Variants in PPP1R42 observed in about 807,000 individuals in gnomAD.
PPP1R42 encodes leucine rich repeat containing 67.
A neutral mutation model predicts 31.0 loss-of-function variants in PPP1R42; 34 were observed. The ratio of observed to expected loss-of-function variants is 1.10; its 90% confidence interval spans 0.83 to 1.46. PPP1R42 has a LOEUF of 1.46. Among genes scored for constraint, PPP1R42 ranks in the 40% most tolerant of loss-of-function variants. The probability of loss-of-function intolerance (pLI) is 0.00; values close to 1 mark genes in which losing one functional copy is unlikely to be tolerated. For synonymous variants in PPP1R42, 103 were observed against 109.8 expected (o/e 0.94, Z 0.39); for missense variants, 268 against 303.0 (o/e 0.88, Z 0.86).
At chr8:66,967,152 T>G (rs547068006) in intron 7 of PPP1R42, among the ~76,000 whole-genome samples, 4 of 152,212 alleles carry the variant, frequency 2.6e-5, no homozygotes, top group African/African-American at 9.6e-5. Context: ...TTTTTTTTCT[T>G]ATGGAGATGA....
chr8:66,976,611 G>GT (rs561585989), intron 7 of PPP1R42, among the ~76,000 whole-genome samples: 3,762 of 133,364 alleles, frequency 0.028, 138 homozygotes, highest in African/African-American at 0.087. Flanking sequence ...CAACTTTTTG[G>GT]TTTTTTTTTT....
rs1815278114 is a variant in PPP1R42, at chr8:66,994,381, C to G, written c.553-5864G>C. On this transcript the variant is annotated intron_variant, in intron 5 of 7. Coordinates refer to ENST00000685739, the MANE Select transcript of PPP1R42 (RefSeq NM_001364910.1). ...GGAAACCCAGTTCTCTCTTTTCTTT[C>G]CACAGAGCTCAAGAATTTCAGTCCC... Among the ~76,000 whole-genome samples, 3 of 152,156 alleles carry G rather than the reference C, an allele frequency of 2.0e-5. No homozygotes were observed. In the South Asian group the frequency reaches 6.2e-4, roughly 32 times the overall value.
At chr8:67,001,287 G>A (rs1815478973) in intron 5 of PPP1R42, among the ~76,000 whole-genome samples, 1 of 148,036 alleles carries the variant, frequency 6.8e-6, no homozygotes. Flanking sequence ...CTGGGCTCAA[G>A]TGATCCTCCC....
chr8:67,003,001 CAA>C (rs1219485285), intron 5 of PPP1R42, among the ~76,000 whole-genome samples: 5 of 127,678 alleles, frequency 3.9e-5, no homozygotes, highest in Admixed American at 8.0e-5. Context: ...ACTAAAAATA[CAA>C]AAAAAAAAAA....
rs139096354 is a variant in PPP1R42, at chr8:66,974,339, G to A, written c.802+7710C>T. On this transcript the variant is annotated intron_variant, in intron 7 of 7. Transcript: ENST00000685739. Reference sequence around the variant, plus strand: ...GGGGGCTGAGGCAGGTGGATCACTTGAGTTCAGGAGTTGGAGACCAGTCTG... The same window carrying A: ...GGGGGCTGAGGCAGGTGGATCACTTAAGTTCAGGAGTTGGAGACCAGTCTG... Among the ~76,000 whole-genome samples, 1,426 of 152,278 alleles carry A rather than the reference G, an allele frequency of 9.4e-3. 10 individuals are homozygous for A. Among genetic ancestry groups the A allele is most frequent in the Non-Finnish European group, 0.013 (887 of 68,022 alleles).
chr8:67,019,732 C>T (rs1229189672), intron 1 of PPP1R42, among the ~76,000 whole-genome samples: 1 of 150,930 alleles, frequency 6.6e-6, no homozygotes, highest in Non-Finnish European at 1.5e-5. Flanking sequence ...CTAAAAAATA[C>T]AAAAAATTAG....
At chr8:67,010,599 T>C (rs1815812233) in intron 5 of PPP1R42, 116 bp downstream of exon 5, 2 of 721,184 alleles carry the variant, frequency 2.8e-6, no homozygotes, top group East Asian at 5.5e-5. Context: ...TAGCTAATTT[T>C]AGAACAAATC....
intron 6 of PPP1R42, chr8:66,985,232 T>C: frequency 9.0e-7 from 1 of 1,107,124 alleles, no homozygotes. Context: ...AATTTGCCCT[T>C]GTCATGGAAT....
chr8:66,990,908 G>A (rs1815170762), intron 5 of PPP1R42, among the ~76,000 whole-genome samples: 1 of 152,126 alleles, frequency 6.6e-6, no homozygotes, highest in African/African-American at 2.4e-5. Context: ...TTGAGCAGAG[G>A]TTGAATAAAT....
At position 66,984,155 on chromosome 8, in the gene PPP1R42, A is replaced by G. The variant is rs1488104713; in HGVS notation, c.671-1975T>C. ...GTCTCAATCAGTGGACTCTACACAG[A>G]TTCACTCAGCGCAAGGTCCCAGTAA... On this transcript the variant is annotated intron_variant, in intron 6 of 7. Transcript: ENST00000685739. The G allele has an allele frequency of 1.9e-6, 3 of 1,593,170 alleles. No individual in the cohort carries two copies. The Admixed American group carries it at 5.0e-5, about 27-fold the overall frequency.
rs143076758 is a variant in PPP1R42 at position 67,010,680 on chromosome 8, T to C, written c.552+35A>G. 428 of 1,377,156 alleles carry C rather than the reference T, an allele frequency of 3.1e-4. 1 individual carries two copies. The African/African-American group carries it at 5.5e-3, about 18-fold the overall frequency. The allele number at this position is 1,377,156 out of a possible 1,614,324, so 85.3% of individuals were successfully genotyped here. ...AACATTTTTCAATCATAATTTCATG[T>C]AAATATCTTAAAAATTAATTTCTCT... On this transcript the variant is annotated intron_variant, in intron 5 of 7. Transcript: ENST00000685739.
intron 1 of PPP1R42, among the ~76,000 whole-genome samples, chr8:67,018,598 C>T (rs1229651701): frequency 2.6e-5 from 4 of 151,874 alleles, no homozygotes; most frequent in African/African-American, 4.8e-5. Flanking sequence ...CTGCAACCTC[C>T]GTCTCCTGGG....
chr8:66,966,321 A>G (rs1265194099), intron 7 of PPP1R42, among the ~76,000 whole-genome samples: 1 of 152,102 alleles, frequency 6.6e-6, no homozygotes, highest in Non-Finnish European at 1.5e-5. Flanking sequence ...TCCCCAGCAG[A>G]GTACTTGAGA....
At chr8:66,984,331 T>G in intron 6 of PPP1R42, 1 of 1,265,778 alleles carries the variant, frequency 7.9e-7, no homozygotes, top group Non-Finnish European at 1.2e-6. Flanking sequence ...CTCATCAGGT[T>G]CCTCATGATC....
intron 6 of PPP1R42, chr8:66,984,952 T>C (rs1814959325): frequency 6.5e-6 from 10 of 1,548,098 alleles, no homozygotes; most frequent in East Asian, 2.3e-5. Flanking sequence ...AACTGGAGCA[T>C]TGAGCTGGGC....
In PPP1R42 at chr8:67,017,820, ATTTCCAACTT is replaced by A. The variant is rs958268294; in HGVS notation, c.-83_-74del. ...ATGTCAAGAAGTAGGTTTAGGTATTATTTCCAACTTTCTGAAGATTAAAGAAAAAAGGAGC... is the reference window on the plus strand; with the variant it reads ...ATGTCAAGAAGTAGGTTTAGGTATTATCTGAAGATTAAAGAAAAAAGGAGC... On this transcript the variant is annotated splice_region_variant and 5_prime_UTR_variant, in exon 2 of 8. The change creates a premature stop within an existing upstream ORF in the 5' untranslated region. Transcript: ENST00000685739. The A allele has an allele frequency of 1.4e-6, 2 of 1,420,850 alleles. No homozygotes were observed. 88.0% of individuals were successfully genotyped at this position (1,420,850 alleles called of 1,614,324 possible). A position where few individuals can be genotyped will look rare whatever the true frequency, so the allele number is the denominator to read the frequency against.
chr8:66,975,970 C>G (rs1006850719), intron 7 of PPP1R42, among the ~76,000 whole-genome samples: 5 of 152,196 alleles, frequency 3.3e-5, no homozygotes, highest in African/African-American at 9.6e-5. Context: ...TGGTCCTGGT[C>G]TGTGGCCTAT....
chr8:67,001,427 TTATTAA>T (rs987660412), intron 5 of PPP1R42, among the ~76,000 whole-genome samples: 46 of 149,006 alleles, frequency 3.1e-4, no homozygotes, highest in South Asian at 1.9e-3. Context: ...ATTAATATAA[TTATTAA>T]TATTAATATT....
At chr8:66,994,100 G>A (rs534313243) in intron 5 of PPP1R42, among the ~76,000 whole-genome samples, 3 of 152,298 alleles carry the variant, frequency 2.0e-5, no homozygotes, top group Admixed American at 2.0e-4. Context: ...GAATAGCAGA[G>A]ATGAAGGCAG....
Sources: gnomAD v4.1 joint callset for allele counts (sites outside exome capture counted in the v4.1 genomes callset) on GRCh38, gnomAD v4.1.1 for gene constraint, MANE v1.5 for transcripts, NCBI Gene and HGNC (gene_info 2026-07-23, HGNC 2026-07-21) for gene names.